MAP3K4: variants seen among roughly 807,000 people sequenced by gnomAD.
The protein encoded by MAP3K4 is MAP three kinase 1.
A neutral mutation model predicts 185.6 loss-of-function variants in MAP3K4; 67 were observed. The ratio of observed to expected loss-of-function variants is 0.36; its 90% CI spans 0.30 to 0.44. The LOEUF is 0.44. Among genes scored for constraint, MAP3K4 ranks in the 20% least tolerant of loss-of-function variants. The probability of loss-of-function intolerance (pLI) is 1.00; values close to 1 mark genes in which losing one functional copy is unlikely to be tolerated. For missense variants in MAP3K4, 1,551 were observed against 1,995.1 expected (o/e 0.78, Z 4.24); for synonymous variants, 702 against 710.4 (o/e 0.99, Z 0.19).
chr6:161,022,597 G>A lies in MAP3K4; in HGVS notation c.153-11662G>A, dbSNP rs1203392036. On this transcript the variant is annotated intron_variant, in intron 1 of 26. Coordinates refer to ENST00000392142, the MANE Select transcript of MAP3K4 (RefSeq NM_005922.4). The surrounding 1 kb of genome is among the most constrained non-coding windows in gnomAD (Gnocchi z 4.2). ...TGATCCTTATCAGTGTGAGCTACAA[G>A]TGAATGGTCTGCTGAAGATGGGAGG... 1.3e-5 allele frequency among the ~76,000 whole-genome samples: 2 copies of A among 152,198 alleles called. No individual in the cohort carries two copies. Among genetic ancestry groups the A allele is most frequent in the African/African-American group, 4.8e-5 (2 of 41,444 alleles).
In MAP3K4 at chr6:161,116,042, G is replaced by C. The variant is rs1449847268; in HGVS notation, c.4806+740G>C. Among the ~76,000 whole-genome samples, 4 of 152,190 alleles carry C rather than the reference G, an allele frequency of 2.6e-5. No individual in the cohort carries two copies. The highest frequency in any genetic ancestry group is 5.9e-5 in the Non-Finnish European group (4 of 68,036). On this transcript the variant is annotated intron_variant, in intron 26 of 26. Transcript: ENST00000392142. The surrounding 1 kb of genome is among the most constrained non-coding windows in gnomAD (Gnocchi z 6.2). ...AAGGGGTTGGGAGAGGGCGTTCCGG[G>C]TGAGTGAACAGCGGCATTTAAGAGT...
rs1376663212 is a variant in MAP3K4 at position 161,092,975 on chromosome 6, C to T, written c.3270-3C>T. ...GTGATTACTGAACTTTTTCGTGTAC[C>T]AGGTGGGCGACTCAAGGATTTGATT... is the stretch of plus-strand genomic sequence containing the variant. On this transcript the variant is annotated splice_region_variant and splice_polypyrimidine_tract_variant and intron_variant, in intron 13 of 26. Transcript: ENST00000392142. 1 of 1,608,644 alleles carries T rather than the reference C, an allele frequency of 6.2e-7. No homozygotes were observed. The highest frequency in any genetic ancestry group is 1.7e-5 in the Admixed American group (1 of 59,906).
In MAP3K4 at chr6:161,077,254, G is replaced by A. The variant is rs111602942; in HGVS notation, c.2098-3627G>A. Among the ~76,000 whole-genome samples the A allele has an allele frequency of 2.3e-4, 35 of 152,110 alleles. No homozygotes were observed. The highest frequency in any genetic ancestry group is 7.2e-4 in the African/African-American group (30 of 41,472). On this transcript the variant is annotated intron_variant, in intron 5 of 26. Transcript: ENST00000392142. This position sits in a 1 kb window ranked among gnomAD's most constrained non-coding sequence, Gnocchi z 4.3. ...GAACAAAGGAGAAACTAACTTTCTG[G>A]TACCTTATTTCTTATTGAAAAAAAT...
At chr6:161,020,273 G>A (rs938791768) in intron 1 of MAP3K4, among the ~76,000 whole-genome samples, 2 of 129,504 alleles carry the variant, frequency 1.5e-5, no homozygotes, top group African/African-American at 2.8e-5. Flanking sequence ...TTCTTTGTTT[G>A]TTTGTTTGTT....
At chr6:161,023,971 T>G (rs1369315560) in intron 1 of MAP3K4, among the ~76,000 whole-genome samples, 1 of 152,138 alleles carries the variant, frequency 6.6e-6, no homozygotes, top group East Asian at 1.9e-4. Flanking sequence ...ATTTTCTCTC[T>G]TTTATTTTTT....
intron 25 of MAP3K4, among the ~76,000 whole-genome samples, chr6:161,113,899 G>A (rs1211043459): frequency 7.2e-6 from 1 of 138,508 alleles, no homozygotes; most frequent in Non-Finnish European, 1.5e-5. Context: ...CCGGGTTCAA[G>A]CAATTCTTCT....
chr6:161,080,817 G>C lies in MAP3K4; in HGVS notation c.2098-64G>C, dbSNP rs931409833. 3.7e-5 allele frequency: 54 copies of C among 1,472,262 alleles called. No homozygotes were observed. Among genetic ancestry groups the C allele is most frequent in the Non-Finnish European group, 5.1e-5 (54 of 1,066,402 alleles). The allele number at this position is 1,472,262 out of a possible 1,614,324, so 91.2% of individuals were successfully genotyped here. A position where few individuals can be genotyped will look rare whatever the true frequency, so the allele number is the denominator to read the frequency against. On this transcript the variant is annotated intron_variant, in intron 5 of 26. Transcript: ENST00000392142. The surrounding 1 kb of genome is among the most constrained non-coding windows in gnomAD (Gnocchi z 4.8). Reference sequence around the variant, plus strand: ...TTACCCTGCTGATGTGTAGCTTTCAGGTGAGAGCGCTGAGTTGCCAAGTTC... The same window carrying C: ...TTACCCTGCTGATGTGTAGCTTTCACGTGAGAGCGCTGAGTTGCCAAGTTC...
rs1285187713 is a variant in MAP3K4, at chr6:161,049,409, A to G, written c.1137A>G (p.Glu379=). The change falls in exon 3 of 27, where the codon GAA becomes GAG. Residue 379 remains glutamate, a synonymous_variant. Coordinates refer to ENST00000392142, the MANE Select transcript of MAP3K4 (RefSeq NM_005922.4). This position sits in a 1 kb window ranked among gnomAD's most constrained non-coding sequence, Gnocchi z 8.4. ...TGCAGGCTCTTCAGAAGGACTATGA[A>G]AAATATGCTGCAAAAGACTTCCAGG... ...PSLQALQKDY[E]KYAAKDFQDR... 1 of 1,614,038 alleles carries G rather than the reference A, an allele frequency of 6.2e-7. No homozygotes were observed. The highest frequency in any genetic ancestry group is 2.2e-5 in the East Asian group (1 of 44,882).
At position 161,115,778 on chromosome 6, in the gene MAP3K4, A is replaced by G. The variant is rs1458286013; in HGVS notation, c.4806+476A>G. Among the ~76,000 whole-genome samples, 1 of 152,158 alleles carries G rather than the reference A, an allele frequency of 6.6e-6. No individual in the cohort carries two copies. The highest frequency in any genetic ancestry group is 1.5e-5 in the Non-Finnish European group (1 of 68,040). ...TCAGAAGTGGGGGAGGGGGCATGGA[A>G]GACAAAGTAAAGAAACTTGGAAACG... On this transcript the variant is annotated intron_variant, in intron 26 of 26. Coordinates refer to ENST00000392142, the MANE Select transcript of MAP3K4 (RefSeq NM_005922.4). This position sits in a 1 kb window ranked among gnomAD's most constrained non-coding sequence, Gnocchi z 6.0.
Position 161,070,450 on chromosome 6 carries a change from T to C in MAP3K4, c.1708-158T>C, listed in dbSNP as rs943194154. On this transcript the variant is annotated intron_variant, in intron 3 of 26. Transcript: ENST00000392142. This position sits in a 1 kb window ranked among gnomAD's most constrained non-coding sequence, Gnocchi z 4.5. ...GGATCTATGTTGAAAATGTTGAAGT[T>C]ATTAAATTCATTAAATTATTAAATA... 7.9e-5 allele frequency among the ~76,000 whole-genome samples: 12 copies of C among 152,240 alleles called. No individual in the cohort carries two copies. Among genetic ancestry groups the C allele is most frequent in the African/African-American group, 2.2e-4 (9 of 41,462 alleles).
chr6:161,040,232 A>G (rs1201665503), intron 2 of MAP3K4, among the ~76,000 whole-genome samples: 1 of 152,036 alleles, frequency 6.6e-6, no homozygotes, highest in Admixed American at 6.6e-5. Flanking sequence ...ATAGTTGGGG[A>G]TTGTGGTTGA....
chr6:161,065,313 TC>T (rs1392923726), intron 3 of MAP3K4, among the ~76,000 whole-genome samples: 1 of 152,226 alleles, frequency 6.6e-6, no homozygotes, highest in African/African-American at 2.4e-5. Flanking sequence ...TATTGAATCT[TC>T]CTAGTTTGGC....
chr6:161,079,406 C>T (rs1785336114), intron 5 of MAP3K4, among the ~76,000 whole-genome samples: 1 of 151,698 alleles, frequency 6.6e-6, no homozygotes, highest in East Asian at 1.9e-4. Flanking sequence ...GGAGAAACCC[C>T]GTCTCGGCTA....
At chr6:161,047,525 T>A (rs1467286459) in intron 2 of MAP3K4, among the ~76,000 whole-genome samples, 1 of 152,158 alleles carries the variant, frequency 6.6e-6, no homozygotes, top group Admixed American at 6.5e-5. Flanking sequence ...GTGTCCTAGA[T>A]TCAATGAAAT....
At chr6:160,998,651 C>T (rs1781119348) in intron 1 of MAP3K4, among the ~76,000 whole-genome samples, 1 of 152,140 alleles carries the variant, frequency 6.6e-6, no homozygotes, top group Non-Finnish European at 1.5e-5. Flanking sequence ...AGAAACAACT[C>T]CAACAGTAAC....
intron 1 of MAP3K4, among the ~76,000 whole-genome samples, chr6:161,030,963 G>C (rs527592678): frequency 3.3e-5 from 5 of 152,144 alleles, no homozygotes; most frequent in Admixed American, 6.5e-5. Context: ...GTGGCTGGTA[G>C]TACCATATGA....
At chr6:161,078,941 C>T (rs1247220223) in intron 5 of MAP3K4, among the ~76,000 whole-genome samples, 1 of 152,112 alleles carries the variant, frequency 6.6e-6, no homozygotes, top group Admixed American at 6.5e-5. Context: ...GAGCCGGGTG[C>T]GGTGGCTCTC....
In MAP3K4 at chr6:161,110,638, A is replaced by G. The variant is rs146588714; in HGVS notation, c.4396+724A>G. 5.3e-5 allele frequency among the ~76,000 whole-genome samples: 8 copies of G among 152,306 alleles called. No individual in the cohort carries two copies. The highest frequency in any genetic ancestry group is 1.9e-4 in the African/African-American group (8 of 41,548). ...CTAACCTAAACACATTAACTTAGGA[A>G]CCGACCTGACTTCTGACCAGGGACA... On this transcript the variant is annotated intron_variant, in intron 23 of 26. Coordinates refer to ENST00000392142, the MANE Select transcript of MAP3K4 (RefSeq NM_005922.4). This position sits in a 1 kb window ranked among gnomAD's most constrained non-coding sequence, Gnocchi z 4.8.
rs771521688 is a variant in MAP3K4 at position 161,098,416 on chromosome 6, C to T, written c.3663C>T (p.Ala1221=). 6.2e-7 allele frequency: 1 copy of T among 1,613,466 alleles called. No individual in the cohort carries two copies. The highest frequency in any genetic ancestry group is 8.5e-7 in the Non-Finnish European group (1 of 1,179,750). ...DSVLPKSISS[A]HDTRGSSVPE... ...TGCTGCCCAAATCCATCAGCAGTGC[C>T]CATGATACCAGGTAGTCTCACCCCA... The change falls in exon 17 of 27, where the codon GCC becomes GCT. Residue 1221 remains alanine (A), a synonymous_variant. Transcript: ENST00000392142. The surrounding 1 kb of genome is among the most constrained non-coding windows in gnomAD (Gnocchi z 4.4).
Sources: allele counts gnomAD v4.1 joint callset (sites outside exome capture counted in the v4.1 genomes callset), GRCh38; gene constraint gnomAD v4.1.1; non-coding constraint Gnocchi (gnomAD v3.1); transcripts MANE v1.5; gene names NCBI Gene and HGNC (gene_info 2026-07-23, HGNC 2026-07-21).